BAZ2B: variants seen among roughly 807,000 people sequenced by gnomAD.
BAZ2B encodes the protein bromodomain adjacent to zinc finger domain 2B, also known as bromodomain adjacent to zinc finger domain protein 2B.
A neutral mutation model predicts 246.0 loss-of-function variants in BAZ2B; 91 were observed. The observed-to-expected ratio is 0.37, with a 90% confidence interval of 0.31 to 0.44. The LOEUF is 0.44. Ranked by LOEUF, BAZ2B falls within the 20% of genes least tolerant of loss-of-function variation. The pLI, the probability that BAZ2B is intolerant of heterozygous loss-of-function variation, is 1.00. For missense variants in BAZ2B, 2,332 were observed against 2,533.7 expected (o/e 0.92, Z 1.71); for synonymous variants, 855 against 860.0 (o/e 0.99, Z 0.10).
chr2:159,590,286 A>AT (rs1689083179), intron 1 of BAZ2B, among the ~76,000 whole-genome samples: 1 of 148,718 alleles, frequency 6.7e-6, no homozygotes, highest in Admixed American at 6.7e-5. Context: ...AAAAAAAAAA[A>AT]AGTAAAAATG....
intron 36 of BAZ2B, chr2:159,321,905 A>G (rs1293036008): frequency 6.6e-6 from 1 of 152,212 alleles, no homozygotes; most frequent in Non-Finnish European, 1.5e-5. Flanking sequence ...GTAGAAGTGG[A>G]TTATCTGTAA....
Position 159,320,032 on chromosome 2 carries a change from C to A in BAZ2B, c.*233G>T. 1 of 348,740 alleles carries A rather than the reference C, an allele frequency of 2.9e-6. No individual in the cohort carries two copies. The allele number at this position is 348,740 out of a possible 1,614,324, so 21.6% of individuals were successfully genotyped here. On this transcript the variant is annotated 3_prime_UTR_variant, in exon 37 of 37. Coordinates refer to ENST00000392783, the MANE Select transcript of BAZ2B (RefSeq NM_013450.4). ...TTTGAAAATTCTTTGGGTGTGCTTC[C>A]CTGTTCTACCTAAATTAGCTGATAA...
intron 1 of BAZ2B, among the ~76,000 whole-genome samples, chr2:159,559,349 C>G (rs1404972615): frequency 6.6e-6 from 1 of 152,074 alleles, no homozygotes; most frequent in Non-Finnish European, 1.5e-5. Flanking sequence ...CAACTTTAAT[C>G]AATGCAAAAA....
chr2:159,568,208 C>G (rs1683105253), intron 1 of BAZ2B, among the ~76,000 whole-genome samples: 1 of 152,072 alleles, frequency 6.6e-6, no homozygotes, highest in South Asian at 2.1e-4. Context: ...TCCTCCTCAC[C>G]CATCAGATGT....
In BAZ2B at chr2:159,325,632, G is replaced by A. The variant is rs1341844050; in HGVS notation, c.6209+21C>T. On this transcript the variant is annotated intron_variant, in intron 35 of 36. Transcript: ENST00000392783. The stretch of plus-strand genomic sequence containing the variant: ...AAATGGGGCATTATAAATATACAGT[G>A]CATGAAAACGGAAATAATACCTGCA... 2.5e-6 allele frequency: 4 copies of A among 1,576,860 alleles called. No homozygotes were observed. The African/African-American group carries it at 4.1e-5, about 16-fold the overall frequency.
chr2:159,371,524 C>T (rs1215245653), intron 27 of BAZ2B, among the ~76,000 whole-genome samples: 1 of 152,222 alleles, frequency 6.6e-6, no homozygotes, highest in Admixed American at 6.5e-5. Context: ...TAATTTCTTA[C>T]AGCAATTCAA....
the BAZ2B span, among the ~76,000 whole-genome samples, chr2:159,671,869 T>C: frequency 1.3e-5 from 2 of 152,186 alleles, no homozygotes; most frequent in East Asian, 3.8e-4. Context: ...CCTAACTGTA[T>C]GTAATATTGT....
chr2:159,694,436 G>A, the BAZ2B span: 1 of 152,008 alleles, frequency 6.6e-6, no homozygotes, highest in Non-Finnish European at 1.5e-5. Context: ...TCTAGTTGCA[G>A]AACATTTTCA....
the BAZ2B span, among the ~76,000 whole-genome samples, chr2:159,653,016 C>T: frequency 3.3e-5 from 5 of 151,968 alleles, no homozygotes; most frequent in African/African-American, 1.2e-4. Context: ...CAACTCACTG[C>T]AACCTCTTCC....
At chr2:159,346,561 G>A (rs2067853812) in intron 31 of BAZ2B, among the ~76,000 whole-genome samples, 1 of 151,934 alleles carries the variant, frequency 6.6e-6, no homozygotes, top group South Asian at 2.1e-4. Flanking sequence ...AAAAATTAGT[G>A]GGGCATCACG....
Position 159,428,288 on chromosome 2 carries a change from A to C in BAZ2B, c.2364+23T>G, listed in dbSNP as rs1015079448. 6.4e-6 allele frequency: 10 copies of C among 1,559,514 alleles called. No homozygotes were observed. In the African/African-American group the frequency reaches 1.2e-4, roughly 19 times the overall value. Reference sequence around the variant, plus strand: ...CATGCTTAATAGGCACCAAATGTACATTATTTGGTGAAAAGTATGTACCTT... The same window carrying C: ...CATGCTTAATAGGCACCAAATGTACCTTATTTGGTGAAAAGTATGTACCTT... On this transcript the variant is annotated intron_variant, in intron 12 of 36. Transcript: ENST00000392783.
At chr2:159,441,094 G>A (rs547885880) in intron 6 of BAZ2B, among the ~76,000 whole-genome samples, 1 of 152,250 alleles carries the variant, frequency 6.6e-6, no homozygotes, top group East Asian at 1.9e-4. Context: ...ATCTGTTGTA[G>A]TTTTCTAAGC....
intron 6 of BAZ2B, among the ~76,000 whole-genome samples, chr2:159,443,318 T>G (rs547014712): frequency 1.3e-5 from 2 of 152,306 alleles, no homozygotes; most frequent in East Asian, 3.9e-4. Context: ...ATTATTTAAT[T>G]AAAATATCAA....
chr2:159,451,145 A>G (rs529391387), intron 4 of BAZ2B, among the ~76,000 whole-genome samples: 1 of 152,322 alleles, frequency 6.6e-6, no homozygotes, highest in East Asian at 1.9e-4. Flanking sequence ...AGAGCCAAAA[A>G]TACTTCGCAA....
intron 2 of BAZ2B, among the ~76,000 whole-genome samples, chr2:159,534,548 C>T (rs1454183594): frequency 6.6e-6 from 1 of 151,984 alleles, no homozygotes; most frequent in Non-Finnish European, 1.5e-5. Context: ...GTCATATATA[C>T]AGTCTGTCCT....
rs780189423 is a variant in BAZ2B, at chr2:159,446,850, G to A, written c.628C>T (p.Arg210Ter). ...TKSTSSGGGN[R>*]KCNQEQSKNQ... The stretch of plus-strand genomic sequence containing the variant: ...TTGCTTTGTTCCTGATTACATTTTC[G>A]ATTTCCTCCACCTGAGCTTGTACTT... The change falls in exon 6 of 37, where the codon CGA becomes TGA. Residue 210 changes from arginine to a stop codon, truncating the protein, a stop_gained. Transcript: ENST00000392783. LOFTEE classifies it high-confidence loss of function. 1 of 1,613,226 alleles carries A rather than the reference G, an allele frequency of 6.2e-7. No homozygotes were observed. The highest frequency in any genetic ancestry group is 1.3e-5 in the African/African-American group (1 of 74,808).
At chr2:159,449,546 C>G (rs986138746) in intron 4 of BAZ2B, among the ~76,000 whole-genome samples, 1 of 152,060 alleles carries the variant, frequency 6.6e-6, no homozygotes, top group East Asian at 1.9e-4. Flanking sequence ...ATGGCAAAAT[C>G]TGGTTTAAAA....
Position 159,347,522 on chromosome 2 carries a change from T to C in BAZ2B, c.5418A>G (p.Leu1806=). The C allele has an allele frequency of 6.2e-7, 1 of 1,613,978 alleles. No homozygotes were observed. Among genetic ancestry groups the C allele is most frequent in the Admixed American group, 1.7e-5 (1 of 60,024 alleles). Residue 1806 remains leucine (L), a synonymous_variant, in exon 31 of 37, where the codon CTA becomes CTG. Coordinates refer to ENST00000392783, the MANE Select transcript of BAZ2B (RefSeq NM_013450.4). The stretch of plus-strand genomic sequence containing the variant: ...AACTTGCTGATGCAACTCTCCTTTC[T>C]AGATCTTCTACCTGTTGAAGGACAC... The part of the protein sequence containing the change: ...DLSVLQQVED[L]ERRVASASLQ...
At chr2:159,638,897 T>A in the BAZ2B span, among the ~76,000 whole-genome samples, 1 of 151,994 alleles carries the variant, frequency 6.6e-6, no homozygotes, top group Non-Finnish European at 1.5e-5. Context: ...TACAAGAAGG[T>A]TACAGAACAC....
Sources: allele counts gnomAD v4.1 joint callset (sites outside exome capture counted in the v4.1 genomes callset), GRCh38; gene constraint gnomAD v4.1.1; transcripts MANE v1.5; gene names NCBI Gene and HGNC (gene_info 2026-07-23, HGNC 2026-07-21).